The following URI1 variants were observed in gnomAD, a reference collection of about 807,000 sequenced individuals.
The protein encoded by URI1 is unconventional prefoldin RPB5 interactor 1.
In URI1, 39 loss-of-function variants were observed where a neutral mutation model predicts 60.2. The observed-to-expected ratio is 0.65, with a 90% CI of 0.50 to 0.85. The LOEUF (loss-of-function observed/expected upper bound fraction) is 0.85, where lower values mean the gene tolerates loss of function less well. Among genes scored for constraint, URI1 ranks in the 40% least tolerant of loss-of-function variants. The pLI is 0.00. For missense variants in URI1, 691 were observed against 665.9 expected (o/e 1.04, Z -0.42); for synonymous variants, 251 against 236.8 (o/e 1.06, Z -0.55).
chr19:29,935,700 CTTT>C (rs34820413), intron 1 of URI1, among the ~76,000 whole-genome samples: 1 of 131,838 alleles, frequency 7.6e-6, no homozygotes, highest in African/African-American at 2.9e-5. Context: ...GGTTGACAGT[CTTT>C]TTTTTTTTTT....
At chr19:29,977,818 A>G (rs2055544493) in intron 2 of URI1, among the ~76,000 whole-genome samples, 1 of 152,140 alleles carries the variant, frequency 6.6e-6, no homozygotes, top group African/African-American at 2.4e-5. Flanking sequence ...AGGCAAAAAA[A>G]AAGATTCAAG....
At position 30,009,093 on chromosome 19, in the gene URI1, C is replaced by A; in HGVS notation, c.775C>A (p.His259Asn). Residue 259 changes from histidine to asparagine, a missense_variant, in exon 8 of 11, where the codon CAT becomes AAT. Coordinates refer to ENST00000392271, the MANE Select transcript of URI1 (RefSeq NM_003796.3). Reference protein sequence around the residue: ...EDRNTNVNAMHQVTDSHTPCH... With the variant: ...EDRNTNVNAMNQVTDSHTPCH... ...TCGTAACACAAATGTGAATGCGATG[C>A]ATCAAGTAACAGACTCTCATACTCC... is the stretch of plus-strand genomic sequence containing the variant. The A allele has an allele frequency of 6.2e-7, 1 of 1,613,918 alleles. No homozygotes were observed. The highest frequency in any genetic ancestry group is 8.5e-7 in the Non-Finnish European group (1 of 1,179,906).
intron 1 of URI1, among the ~76,000 whole-genome samples, chr19:29,950,599 G>A (rs2055167946): frequency 1.3e-5 from 2 of 152,024 alleles, no homozygotes; most frequent in African/African-American, 4.8e-5. Flanking sequence ...CCATTCAAAA[G>A]TGAATTGCAG....
intron 1 of URI1, among the ~76,000 whole-genome samples, chr19:29,935,002 A>G (rs1369897049): frequency 1.3e-5 from 2 of 152,218 alleles, no homozygotes. Context: ...TAGTCCATTT[A>G]CATTTAAAGT....
chr19:29,954,115 C>T (rs1368027776), intron 1 of URI1, among the ~76,000 whole-genome samples: 1 of 152,192 alleles, frequency 6.6e-6, no homozygotes, highest in African/African-American at 2.4e-5. Flanking sequence ...CCTTGGTTCT[C>T]AACATCTGCA....
At chr19:29,936,620 A>T (rs948645644) in intron 1 of URI1, among the ~76,000 whole-genome samples, 1 of 152,140 alleles carries the variant, frequency 6.6e-6, no homozygotes. Context: ...AAATTTGGGA[A>T]GTTTTCAGCC....
At chr19:29,923,796 G>A in intron 1 of URI1, 15 of 1,523,802 alleles carry the variant, frequency 9.8e-6, no homozygotes, top group Non-Finnish European at 1.3e-5. Context: ...TCTGCTGTTA[G>A]TGTGAGGTTT....
chr19:30,011,470 G>C (rs1327605626), intron 9 of URI1, among the ~76,000 whole-genome samples: 2 of 150,422 alleles, frequency 1.3e-5, no homozygotes, highest in Non-Finnish European at 3.0e-5. Context: ...CAGTGCTTTT[G>C]AAACATTTCC....
In URI1 at chr19:30,011,188, A is replaced by G; in HGVS notation, c.1130A>G (p.His377Arg). Residue 377 changes from histidine (H) to arginine (R), a missense_variant, in exon 9 of 11, where the codon CAC becomes CGC. By Grantham distance (29) the His-to-Arg change is conservative (BLOSUM62 0). Transcript: ENST00000392271. ...CGAAAGAACAGCACTGGCAGTGGCC[A>G]CTCTGCCCAGGAGCTGCCGACCATC... ...RKRKNSTGSG[H>R]SAQELPTIRT... 1.9e-6 allele frequency: 3 copies of G among 1,611,990 alleles called. No homozygotes were observed. Among genetic ancestry groups the G allele is most frequent in the Non-Finnish European group, 1.7e-6 (2 of 1,179,234 alleles).
Position 29,986,408 on chromosome 19 carries a change from C to T in URI1, c.358C>T (p.Arg120Trp), listed in dbSNP as rs1057098287. ...AKQAVGLVEH[R>W]KEHVRKTIDD... ...GCAGGCTGTAGGTTTAGTTGAGCAC[C>T]GGAAAGAACGTAGGTACCCATTTTA... The change falls in exon 4 of 11, where the codon CGG (arginine) becomes TGG (tryptophan). Residue 120 changes from arginine (R) to tryptophan (W), a missense_variant. By Grantham distance (101) the Arg-to-Trp change is moderately radical. Coordinates refer to ENST00000392271, the MANE Select transcript of URI1 (RefSeq NM_003796.3). 2.5e-6 allele frequency: 4 copies of T among 1,605,912 alleles called. No individual in the cohort carries two copies. Among genetic ancestry groups the T allele is most frequent in the Non-Finnish European group, 3.4e-6 (4 of 1,178,332 alleles).
intron 1 of URI1, among the ~76,000 whole-genome samples, chr19:29,945,383 T>C (rs335031): frequency 6.6e-6 from 1 of 152,180 alleles, no homozygotes; most frequent in African/African-American, 2.4e-5. Context: ...CTCTCTCTCT[T>C]TTTTTCTTGT....
chr19:29,949,782 C>T (rs918449718), intron 1 of URI1, among the ~76,000 whole-genome samples: 2 of 152,142 alleles, frequency 1.3e-5, no homozygotes, highest in African/African-American at 2.4e-5. Context: ...TGGCGGCGCG[C>T]GCCTGCAATC....
chr19:29,947,835 C>T (rs73044817), intron 1 of URI1, among the ~76,000 whole-genome samples: 161 of 152,120 alleles, frequency 1.1e-3, no homozygotes, highest in Non-Finnish European at 2.1e-3. Context: ...TGTTTTTTGT[C>T]TTATTTTTAA....
chr19:29,989,210 G>A (rs556036771), intron 4 of URI1, among the ~76,000 whole-genome samples: 5 of 149,514 alleles, frequency 3.3e-5, no homozygotes, highest in African/African-American at 1.2e-4. Context: ...TCCGAGGTTC[G>A]AGCAATTCTC....
chr19:29,954,621 TCTC>T (rs2055221109), intron 1 of URI1, among the ~76,000 whole-genome samples: 1 of 151,192 alleles, frequency 6.6e-6, no homozygotes, highest in African/African-American at 2.4e-5. Flanking sequence ...TTCAAGCAAT[TCTC>T]CTGCCTCAGC....
At chr19:29,993,459 A>G (rs1459747808) in intron 4 of URI1, among the ~76,000 whole-genome samples, 1 of 152,210 alleles carries the variant, frequency 6.6e-6, no homozygotes, top group African/African-American at 2.4e-5. Flanking sequence ...TCCCAAACTT[A>G]CTTGATTTTG....
intron 1 of URI1, among the ~76,000 whole-genome samples, chr19:29,925,083 G>A (rs774171034): frequency 1.9e-4 from 29 of 152,290 alleles, no homozygotes; most frequent in Admixed American, 1.4e-3. Flanking sequence ...TGATCCCCCT[G>A]CCTTGGCCTC....
intron 2 of URI1, among the ~76,000 whole-genome samples, chr19:29,979,636 A>G (rs922034148): frequency 4.6e-5 from 7 of 152,154 alleles, no homozygotes. Flanking sequence ...ATTTTGTTTC[A>G]TTGACTTGAA....
rs2145467745 is a variant in URI1 at position 30,016,590 on chromosome 19, A to G, written c.*1521A>G. ...TTGTAATTTCAAGATGCGTGTCATT[A>G]AATAATTTTTCATGTTCACAGACTT... On this transcript the variant is annotated 3_prime_UTR_variant, in exon 11 of 11. Coordinates refer to ENST00000392271, the MANE Select transcript of URI1 (RefSeq NM_003796.3). 1 of 152,244 alleles carries G rather than the reference A, an allele frequency of 6.6e-6. No individual in the cohort carries two copies. Among genetic ancestry groups the G allele is most frequent in the East Asian group, 1.9e-4 (1 of 5,184 alleles). The allele number at this position is 152,244 out of a possible 1,614,324, so 9.4% of individuals were successfully genotyped here.
Sources: allele counts gnomAD v4.1 joint callset (sites outside exome capture counted in the v4.1 genomes callset), GRCh38; gene constraint gnomAD v4.1.1; transcripts MANE v1.5; gene names NCBI Gene and HGNC (gene_info 2026-07-23, HGNC 2026-07-21).